Variants in RSF1 observed in about 807,000 individuals in gnomAD.
The protein encoded by RSF1 is remodeling and spacing factor 1, also known as HBV pX-associated protein 8.
A neutral mutation model predicts 145.2 loss-of-function variants in RSF1; 13 were observed. That is an observed-to-expected ratio of 0.09 (90% CI 0.06 to 0.14). RSF1 has a LOEUF of 0.14. RSF1 is among the 10% of genes least tolerant of loss of function. The pLI, the probability that RSF1 is intolerant of heterozygous loss-of-function variation, is 1.00. For missense variants in RSF1, 1,517 were observed against 1,718.2 expected (o/e 0.88, Z 2.07); for synonymous variants, 577 against 592.6 (o/e 0.97, Z 0.38).
At chr11:77,749,383 A>G (rs1948036273) in intron 2 of RSF1, among the ~76,000 whole-genome samples, 1 of 152,214 alleles carries the variant, frequency 6.6e-6, no homozygotes, top group South Asian at 2.1e-4. Flanking sequence ...TGAATGAAGC[A>G]CTTATTGAGT....
At chr11:77,691,501 T>C (rs1315790731) in intron 8 of RSF1, 4 of 424,056 alleles carry the variant, frequency 9.4e-6, no homozygotes, top group African/African-American at 6.0e-5. Flanking sequence ...CTGGCAATAG[T>C]CAATGTTTAA....
chr11:77,816,167 T>C (rs1429938198), intron 1 of RSF1, among the ~76,000 whole-genome samples: 2 of 152,238 alleles, frequency 1.3e-5, no homozygotes, highest in Non-Finnish European at 2.9e-5. Flanking sequence ...AGTTTCAACC[T>C]AACCAGGCTC....
chr11:77,819,636 C>G (rs1295000499), intron 1 of RSF1, among the ~76,000 whole-genome samples: 1 of 152,202 alleles, frequency 6.6e-6, no homozygotes, highest in African/African-American at 2.4e-5. Context: ...AGAGCCCCTC[C>G]TCCAGCTTAC....
chr11:77,810,311 G>A (rs908141395), intron 1 of RSF1, among the ~76,000 whole-genome samples: 1 of 152,064 alleles, frequency 6.6e-6, no homozygotes, highest in Non-Finnish European at 1.5e-5. Context: ...TCCCATCCTG[G>A]CATTGCCTTA....
At chr11:77,696,008 T>G (rs1481236434) in intron 7 of RSF1, among the ~76,000 whole-genome samples, 1 of 152,132 alleles carries the variant, frequency 6.6e-6, no homozygotes, top group Non-Finnish European at 1.5e-5. Flanking sequence ...GGCACACCAT[T>G]ACAATGCATC....
At chr11:77,855,549 G>A in the RSF1 span, 3 of 155,036 alleles carry the variant, frequency 1.9e-5, no homozygotes, top group South Asian at 1.8e-4. Context: ...CAGGATGGTC[G>A]CGATCTCCTA....
chr11:77,738,482 T>C (rs926917231), intron 4 of RSF1, among the ~76,000 whole-genome samples: 38 of 152,174 alleles, frequency 2.5e-4, no homozygotes, highest in African/African-American at 8.9e-4. Context: ...TACACAAATA[T>C]TATGTAAAGG....
the RSF1 span, among the ~76,000 whole-genome samples, chr11:77,833,009 A>ATTTT: frequency 0.035 from 2,072 of 59,994 alleles, 351 homozygotes; most frequent in African/African-American, 0.061. Flanking sequence ...ATATATATAT[A>ATTTT]TTTTTTTTTT....
upstream of RSF1, among the ~76,000 whole-genome samples, chr11:77,825,026 G>C (rs1409801289): frequency 6.6e-6 from 1 of 152,056 alleles, no homozygotes; most frequent in Non-Finnish European, 1.5e-5. Flanking sequence ...TATCACCCAG[G>C]CTAGAGTGCA....
At chr11:77,805,585 C>CT (rs1948669612) in intron 1 of RSF1, among the ~76,000 whole-genome samples, 1 of 152,056 alleles carries the variant, frequency 6.6e-6, no homozygotes, top group Non-Finnish European at 1.5e-5. Flanking sequence ...ATAAGGCACT[C>CT]TAAAAAAATT....
intron 15 of RSF1, among the ~76,000 whole-genome samples, chr11:77,671,139 ATATATATATATATATATATATAT>A (rs1245441054): frequency 1.4e-4 from 1 of 7,256 alleles, no homozygotes; most frequent in Admixed American, 2.4e-3. Context: ...AAAAAAAAAA[ATATATATATATATATATATATAT>A]ATATATATAT....
chr11:77,667,219 G>T lies in RSF1; in HGVS notation c.4024C>A (p.Arg1342=), dbSNP rs780828860. Residue 1342 remains arginine, a synonymous_variant, in exon 16 of 16, where the codon CGG becomes AGG. Coordinates refer to ENST00000308488, the MANE Select transcript of RSF1 (RefSeq NM_016578.4). ...TCCTCTTCCTCATCACTTTCTATCC[G>T]GTAGGGCTTCTTGGTGCTCTCTTGT... ...SEQESTKKPY[R]IESDEEEDFE... is the part of the protein sequence containing the mutation. The T allele has an allele frequency of 1.9e-6, 3 of 1,614,152 alleles. No individual in the cohort carries two copies. In the East Asian group the frequency reaches 6.7e-5, roughly 36 times the overall value.
At chr11:77,761,588 G>A (rs975222177) in intron 2 of RSF1, among the ~76,000 whole-genome samples, 5 of 152,102 alleles carry the variant, frequency 3.3e-5, no homozygotes, top group African/African-American at 9.7e-5. Flanking sequence ...AAGGCAAATT[G>A]TTATTTAGCA....
chr11:77,696,926 T>TA (rs1158924993), intron 7 of RSF1, among the ~76,000 whole-genome samples: 5 of 152,188 alleles, frequency 3.3e-5, no homozygotes, highest in Non-Finnish European at 7.4e-5. Context: ...ATAATACATT[T>TA]AGCTTCCAGA....
At chr11:77,825,617 G>A (rs540396088), upstream of RSF1, among the ~76,000 whole-genome samples, 2 of 151,794 alleles carry the variant, frequency 1.3e-5, no homozygotes, top group South Asian at 2.1e-4. Flanking sequence ...TATTTGTCTT[G>A]ATAACTGAAT....
chr11:77,671,175 A>T (rs60922470), intron 15 of RSF1, among the ~76,000 whole-genome samples: 1 of 96,676 alleles, frequency 1.0e-5, no homozygotes, highest in Non-Finnish European at 1.9e-5. Flanking sequence ...ATATATATAT[A>T]TATTTATATG....
chr11:77,811,503 T>C (rs762944452), intron 1 of RSF1, among the ~76,000 whole-genome samples: 3 of 152,098 alleles, frequency 2.0e-5, no homozygotes, highest in Non-Finnish European at 4.4e-5. Context: ...TTAATTTAAC[T>C]TGAGAGACAG....
the RSF1 span, among the ~76,000 whole-genome samples, chr11:77,839,129 T>C: frequency 6.6e-6 from 1 of 152,188 alleles, no homozygotes; most frequent in Non-Finnish European, 1.5e-5. Context: ...AGATACAGTT[T>C]CTTTTTTAAT....
chr11:77,869,914 A>G, the RSF1 span: 3 of 1,150,732 alleles, frequency 2.6e-6, no homozygotes, highest in South Asian at 1.3e-5. Flanking sequence ...ATCTTTATAT[A>G]TCATGTACCC....
Sources: allele counts gnomAD v4.1 joint callset (sites outside exome capture counted in the v4.1 genomes callset), GRCh38; gene constraint gnomAD v4.1.1; transcripts MANE v1.5; gene names NCBI Gene and HGNC (gene_info 2026-07-23, HGNC 2026-07-21).